The following SGIP1 variants were observed in gnomAD, a reference collection of about 807,000 sequenced individuals.
SGIP1 encodes SH3-containing GRB2-like protein 3-interacting protein 1.
Under a neutral mutation model 107.5 loss-of-function variants are expected in SGIP1, and 38 were observed. The observed-to-expected ratio is 0.35, with a 90% CI of 0.27 to 0.46. The LOEUF (loss-of-function observed/expected upper bound fraction) is 0.46, where lower values mean the gene tolerates loss of function less well. Ranked by LOEUF, SGIP1 falls within the 20% of genes least tolerant of loss-of-function variation. SGIP1 has a pLI of 1.00. For missense variants in SGIP1, 929 were observed against 1,019.5 expected, an observed-to-expected ratio of 0.91 and a Z score of 1.21; for synonymous variants, 365 against 366.1, an observed-to-expected ratio of 1.00 and a Z score of 0.03.
At position 66,721,512 on chromosome 1, in the gene SGIP1, A is replaced by C. The variant is rs1020355485; in HGVS notation, c.1742+2107A>C. 2.0e-5 allele frequency among the ~76,000 whole-genome samples: 3 copies of C among 152,106 alleles called. No homozygotes were observed. In the East Asian group the frequency reaches 5.8e-4, roughly 29 times the overall value. ...CAGCCTCAACCTCCCAGTCTCAGGC[A>C]ATTCTCCCACTTCAGCCTCCCGAGT... On this transcript the variant is annotated intron_variant, in intron 19 of 24. Coordinates refer to ENST00000371037, the MANE Select transcript of SGIP1 (RefSeq NM_032291.4).
At chr1:66,673,973 T>G (rs1438426636) in intron 12 of SGIP1, among the ~76,000 whole-genome samples, 3 of 148,132 alleles carry the variant, frequency 2.0e-5, no homozygotes, top group Admixed American at 6.9e-5. Context: ...GAGACCAGCC[T>G]GGACAACATA....
At chr1:66,693,348 A>G (rs994801801) in intron 17 of SGIP1, among the ~76,000 whole-genome samples, 1 of 152,094 alleles carries the variant, frequency 6.6e-6, no homozygotes, top group South Asian at 2.1e-4. Flanking sequence ...GATTTGGGGG[A>G]AAATCCTATC....
At chr1:66,646,504 G>A (rs147557409) in intron 7 of SGIP1, among the ~76,000 whole-genome samples, 130 of 152,210 alleles carry the variant, frequency 8.5e-4, no homozygotes, top group African/African-American at 2.9e-3. Flanking sequence ...AGATAAAGTC[G>A]TGCCTCACTT....
chr1:66,586,114 A>G (rs1343837723), intron 1 of SGIP1, among the ~76,000 whole-genome samples: 1 of 151,996 alleles, frequency 6.6e-6, no homozygotes, highest in African/African-American at 2.4e-5. Context: ...GCCTTCAGCA[A>G]TTTTTCTTGT....
At chr1:66,725,865 G>T (rs570650601) in intron 19 of SGIP1, among the ~76,000 whole-genome samples, 1 of 152,334 alleles carries the variant, frequency 6.6e-6, no homozygotes, top group African/African-American at 2.4e-5. Flanking sequence ...ATTGCCAGGG[G>T]AAGCTAAGGT....
rs2090244183 is a variant in SGIP1, at chr1:66,693,250, T to TAAA, written c.1571-2181_1571-2179dup. Among the ~76,000 whole-genome samples the TAAA allele has an allele frequency of 1.7e-4, 9 of 52,394 alleles. No homozygotes were observed. In the Admixed American group the frequency reaches 1.8e-3, roughly 11 times the overall value. The allele number at this position is 52,394 out of a possible 152,430, so 34.4% of individuals were successfully genotyped here. On this transcript the variant is annotated intron_variant, in intron 17 of 24. Coordinates refer to ENST00000371037, the MANE Select transcript of SGIP1 (RefSeq NM_032291.4). ...ATAGCAAGATTCTCATCTCAGTTTT[T>TAAA]AAAAATAATAAATAAATAAATAAAT...
chr1:66,574,711 T>C (rs2060823292), intron 1 of SGIP1, among the ~76,000 whole-genome samples: 1 of 152,162 alleles, frequency 6.6e-6, no homozygotes, highest in Non-Finnish European at 1.5e-5. Context: ...CCCTTTCTTA[T>C]ACCTGTTGTT....
intron 21 of SGIP1, among the ~76,000 whole-genome samples, chr1:66,737,030 A>C (rs1245201338): frequency 6.6e-6 from 1 of 152,138 alleles, no homozygotes; most frequent in African/African-American, 2.4e-5. Context: ...AATAGAAAAC[A>C]CATTTTATTT....
chr1:66,555,522 A>G (rs906359200), intron 1 of SGIP1, among the ~76,000 whole-genome samples: 1 of 152,154 alleles, frequency 6.6e-6, no homozygotes, highest in African/African-American at 2.4e-5. Flanking sequence ...CAGGCTCATA[A>G]TAAAAGCTTA....
At chr1:66,674,603 T>G (rs2084742416) in intron 12 of SGIP1, among the ~76,000 whole-genome samples, 1 of 152,160 alleles carries the variant, frequency 6.6e-6, no homozygotes, top group Non-Finnish European at 1.5e-5. Flanking sequence ...AAGATGGAAT[T>G]TTATTACTCT....
intron 1 of SGIP1, among the ~76,000 whole-genome samples, chr1:66,545,627 A>AC (rs2056194849): frequency 1.5e-5 from 1 of 65,712 alleles, no homozygotes; most frequent in African/African-American, 5.8e-5. Context: ...AACTGAACAA[A>AC]TTGTGTGTGT....
At chr1:66,642,431 G>T (rs2149488739) in intron 5 of SGIP1, among the ~76,000 whole-genome samples, 1 of 152,228 alleles carries the variant, frequency 6.6e-6, no homozygotes, top group Admixed American at 6.5e-5. Flanking sequence ...CAGGTGTTTT[G>T]TGTTTTGTAT....
At chr1:66,596,239 G>A (rs1175675848) in intron 1 of SGIP1, among the ~76,000 whole-genome samples, 1 of 152,124 alleles carries the variant, frequency 6.6e-6, no homozygotes, top group Non-Finnish European at 1.5e-5. Context: ...AGAAGAATGA[G>A]GATATGTTGG....
At chr1:66,576,243 T>A (rs916352499) in intron 1 of SGIP1, among the ~76,000 whole-genome samples, 1 of 152,182 alleles carries the variant, frequency 6.6e-6, no homozygotes. Context: ...AAGTTAAAAA[T>A]CACTGAAGAG....
chr1:66,550,307 G>C (rs2057215763), intron 1 of SGIP1, among the ~76,000 whole-genome samples: 1 of 152,110 alleles, frequency 6.6e-6, no homozygotes, highest in African/African-American at 2.4e-5. Flanking sequence ...AGATTGGTGA[G>C]AGGAAGAGCT....
chr1:66,620,027 T>C (rs1167634788), intron 1 of SGIP1, among the ~76,000 whole-genome samples: 1 of 152,226 alleles, frequency 6.6e-6, no homozygotes, highest in Non-Finnish European at 1.5e-5. Flanking sequence ...AATTCTCCTT[T>C]CAGTGTAACA....
intron 1 of SGIP1, among the ~76,000 whole-genome samples, chr1:66,611,620 G>T (rs1049043414): frequency 3.9e-5 from 6 of 152,272 alleles, no homozygotes; most frequent in Admixed American, 1.3e-4. Flanking sequence ...TTCCTTTTCC[G>T]TGGCAATCTT....
At chr1:66,704,570 G>C (rs1448206629) in intron 18 of SGIP1, 1 of 152,230 alleles carries the variant, frequency 6.6e-6, no homozygotes, top group Non-Finnish European at 1.5e-5. Context: ...GAGAAGCTGA[G>C]AATTCCAGGG....
chr1:66,564,946 C>A (rs2059442367), intron 1 of SGIP1, among the ~76,000 whole-genome samples: 1 of 151,896 alleles, frequency 6.6e-6, no homozygotes, highest in Non-Finnish European at 1.5e-5. Context: ...CTTACAATAA[C>A]CCTGTGGGGC....
Sources: gnomAD v4.1 joint callset for allele counts (sites outside exome capture counted in the v4.1 genomes callset) on GRCh38, gnomAD v4.1.1 for gene constraint, MANE v1.5 for transcripts, NCBI Gene and HGNC (gene_info 2026-07-23, HGNC 2026-07-21) for gene names.